Variants in CASZ1 observed in about 807,000 individuals in gnomAD.
The protein encoded by CASZ1 is castor zinc finger 1.
Under a neutral mutation model 135.2 loss-of-function variants are expected in CASZ1, and 28 were observed. That is an observed-to-expected ratio of 0.21 (90% CI 0.15 to 0.28). The LOEUF (loss-of-function observed/expected upper bound fraction) is 0.28. Ranked by LOEUF, CASZ1 falls within the 10% of genes least tolerant of loss-of-function variation. The pLI is 1.00. For synonymous variants in CASZ1, 1,068 were observed against 1,073.4 expected, an observed-to-expected ratio of 0.99 and a Z score of 0.10; for missense variants, 2,161 against 2,453.3, an observed-to-expected ratio of 0.88 and a Z score of 2.52.
chr1:10,686,090 C>T (rs1441470553), intron 4 of CASZ1, among the ~76,000 whole-genome samples: 7 of 152,148 alleles, frequency 4.6e-5, no homozygotes, highest in African/African-American at 1.7e-4. Flanking sequence ...GTGGCCCCCA[C>T]CTGACCCCTT....
intron 11 of CASZ1, 69 bp downstream of exon 11, chr1:10,653,308 A>C (rs769181219): frequency 6.7e-7 from 1 of 1,501,578 alleles, no homozygotes; most frequent in East Asian, 2.3e-5. Context: ...TCTGCTCTGC[A>C]GCCTGAGGCC....
At chr1:10,765,038 G>A (rs1640448083) in intron 1 of CASZ1, among the ~76,000 whole-genome samples, 3 of 152,270 alleles carry the variant, frequency 2.0e-5, no homozygotes, top group South Asian at 4.1e-4. Context: ...AAAGCAAAAG[G>A]GCTTTATCTT....
chr1:10,689,811 A>G (rs1281669545), intron 4 of CASZ1, among the ~76,000 whole-genome samples: 1 of 152,190 alleles, frequency 6.6e-6, no homozygotes, highest in Non-Finnish European at 1.5e-5. Context: ...AACAAAATCA[A>G]GTTGGGAGTC....
rs1400369009 is a variant in CASZ1, at chr1:10,699,243, G to T, written c.-23-5331C>A. 1.3e-5 allele frequency among the ~76,000 whole-genome samples: 2 copies of T among 152,204 alleles called. No individual in the cohort carries two copies. The highest frequency in any genetic ancestry group is 2.9e-5 in the Non-Finnish European group (2 of 68,034). ...CGTTCTCCTTCCCCTCTCCTGGGAA[G>T]TCAACGGCCCTGAACTGGCCAGGAG... is the stretch of plus-strand genomic sequence containing the variant. On this transcript the variant is annotated intron_variant, in intron 3 of 20. Coordinates refer to ENST00000377022, the MANE Select transcript of CASZ1 (RefSeq NM_001079843.3). The surrounding 1 kb of genome is among the most constrained non-coding windows in gnomAD (Gnocchi z 4.6).
At chr1:10,667,673 C>T (rs1241731196) in intron 4 of CASZ1, among the ~76,000 whole-genome samples, 7 of 152,158 alleles carry the variant, frequency 4.6e-5, no homozygotes, top group African/African-American at 1.7e-4. Context: ...GGAGCCTGCA[C>T]TATTTTTACC....
At chr1:10,702,068 G>A (rs1237797773) in intron 3 of CASZ1, among the ~76,000 whole-genome samples, 1 of 152,194 alleles carries the variant, frequency 6.6e-6, no homozygotes, top group Non-Finnish European at 1.5e-5. Context: ...TAGAGACTCC[G>A]AGACGTCCCC....
intron 1 of CASZ1, among the ~76,000 whole-genome samples, chr1:10,786,620 C>T (rs756310049): frequency 2.0e-5 from 3 of 152,190 alleles, no homozygotes; most frequent in Non-Finnish European, 2.9e-5. Flanking sequence ...ATCAGCCCCA[C>T]GAGGTAGGTA....
At position 10,656,193 on chromosome 1, in the gene CASZ1, G is replaced by A. The variant is rs78844156; in HGVS notation, c.1501-380C>T. Among the ~76,000 whole-genome samples the A allele has an allele frequency of 5.0e-3, 759 of 152,288 alleles. 8 individuals are homozygous for A. Among genetic ancestry groups the A allele is most frequent in the African/African-American group, 0.017 (702 of 41,586 alleles). Reference sequence around the variant, plus strand: ...GGCAAGCCAGAGGGAGCCACCCCACGCAGGCTGCCCTGACTCTCCCCCCAC... The same window carrying A: ...GGCAAGCCAGAGGGAGCCACCCCACACAGGCTGCCCTGACTCTCCCCCCAC... On this transcript the variant is annotated intron_variant, in intron 8 of 20. Coordinates refer to ENST00000377022, the MANE Select transcript of CASZ1 (RefSeq NM_001079843.3).
At position 10,679,743 on chromosome 1, in the gene CASZ1, A is replaced by T. The variant is rs1240047757; in HGVS notation, c.16+14131T>A. Among the ~76,000 whole-genome samples the T allele has an allele frequency of 6.6e-6, 1 of 152,180 alleles. No homozygotes were observed. The highest frequency in any genetic ancestry group is 1.5e-5 in the Non-Finnish European group (1 of 68,022). On this transcript the variant is annotated intron_variant, in intron 4 of 20. Transcript: ENST00000377022. This position sits in a 1 kb window ranked among gnomAD's most constrained non-coding sequence, Gnocchi z 4.7. ...CTGGAAGCTCCACTTCAGGTTTTCC[A>T]TACTACAACCCCGAGTGTCACCACA...
At position 10,700,699 on chromosome 1, in the gene CASZ1, T is replaced by C. The variant is rs1639043677; in HGVS notation, c.-24+4793A>G. 6.6e-6 allele frequency among the ~76,000 whole-genome samples: 1 copy of C among 152,064 alleles called. No individual in the cohort carries two copies. The highest frequency in any genetic ancestry group is 2.1e-4 in the South Asian group (1 of 4,834). On this transcript the variant is annotated intron_variant, in intron 3 of 20. Transcript: ENST00000377022. This position sits in a 1 kb window ranked among gnomAD's most constrained non-coding sequence, Gnocchi z 4.2. ...GAACCCAGGCACTGACCCTCTACCT[T>C]CCCAGCATCTTCAGGAAATCATCGT...
intron 4 of CASZ1, among the ~76,000 whole-genome samples, chr1:10,678,549 G>C (rs1391438456): frequency 6.6e-6 from 1 of 152,150 alleles, no homozygotes; most frequent in African/African-American, 2.4e-5. Context: ...AGCCCACCCA[G>C]CTCCCCCACC....
Position 10,639,406 on chromosome 1 carries a change from C to T in CASZ1, c.4816G>A (p.Glu1606Lys). The T allele has an allele frequency of 6.4e-7, 1 of 1,550,504 alleles. No individual in the cohort carries two copies. Among genetic ancestry groups the T allele is most frequent in the East Asian group, 2.4e-5 (1 of 41,092 alleles). ...ATGGGAGGCCCGGGCGCGGGGCCCTCTGCCGCGGGCTCGCCGCGCTCCTGC... is the reference window on the plus strand; with the variant it reads ...ATGGGAGGCCCGGGCGCGGGGCCCTTTGCCGCGGGCTCGCCGCGCTCCTGC... ...EKQERGEPAA[E>K]GPAPGPPISL... is the part of the protein sequence containing the mutation. The change falls in exon 21 of 21, where the codon GAG becomes AAG. Residue 1606 changes from glutamate (E) to lysine (K), a missense_variant. Around this residue, in one of 7 missense-constraint regions of CASZ1, gnomAD observed 240 missense variants for 321.4 expected, o/e 0.75. Transcript: ENST00000377022. This position sits in a 1 kb window ranked among gnomAD's most constrained non-coding sequence, Gnocchi z 4.0.
rs11586851 is a variant in CASZ1 at position 10,721,771 on chromosome 1, G to A, written c.-76-16227C>T. On this transcript the variant is annotated intron_variant, in intron 2 of 20. Coordinates refer to ENST00000377022, the MANE Select transcript of CASZ1 (RefSeq NM_001079843.3). This position sits in a 1 kb window ranked among gnomAD's most constrained non-coding sequence, Gnocchi z 5.4. ...ATCTGGCAGGCCTGGGGAGGCCTCAGGCAGCTTCAGCCCAGCAAGTCTCTG... is the reference window on the plus strand; with the variant it reads ...ATCTGGCAGGCCTGGGGAGGCCTCAAGCAGCTTCAGCCCAGCAAGTCTCTG... Among the ~76,000 whole-genome samples, 1 of 152,222 alleles carries A rather than the reference G, an allele frequency of 6.6e-6. No individual in the cohort carries two copies. Among genetic ancestry groups the A allele is most frequent in the Non-Finnish European group, 1.5e-5 (1 of 68,030 alleles).
rs116375923 is a variant in CASZ1, at chr1:10,659,464, A to G, written c.1340+238T>C. On this transcript the variant is annotated intron_variant, in intron 6 of 20. Coordinates refer to ENST00000377022, the MANE Select transcript of CASZ1 (RefSeq NM_001079843.3). ...AGGTCCAGGAGCGGGGGGGCGCTGCAGGAGGGCTCACGCATGGTTCTGTAG... is the reference window on the plus strand; with the variant it reads ...AGGTCCAGGAGCGGGGGGGCGCTGCGGGAGGGCTCACGCATGGTTCTGTAG... Among the ~76,000 whole-genome samples, 935 of 152,258 alleles carry G rather than the reference A, an allele frequency of 6.1e-3. 13 individuals are homozygous for G. The highest frequency in any genetic ancestry group is 0.021 in the African/African-American group (893 of 41,550).
intron 2 of CASZ1, among the ~76,000 whole-genome samples, chr1:10,751,127 C>A (rs983545927): frequency 6.6e-6 from 1 of 151,778 alleles, no homozygotes; most frequent in African/African-American, 2.4e-5. Context: ...AGTCTGTAAA[C>A]CTTGTTTCAG....
At chr1:10,765,177 A>T (rs1238276397) in intron 1 of CASZ1, among the ~76,000 whole-genome samples, 1 of 152,038 alleles carries the variant, frequency 6.6e-6, no homozygotes, top group East Asian at 1.9e-4. Flanking sequence ...ACCTGGGGGA[A>T]TGTGGGTACG....
rs776790574 is a variant in CASZ1 at position 10,639,092 on chromosome 1, G to C, written c.5130C>G (p.Asp1710Glu). ...DDDDEDDDED[D>E]DDEDLRTDSE... is the part of the protein sequence containing the mutation. ...AGTCGGTGCGCAGGTCCTCGTCGTC[G>C]TCGTCCTCGTCGTCGTCCTCGTCGT... The change falls in exon 21 of 21, where the codon GAC (aspartate) becomes GAG (glutamate). Residue 1710 changes from aspartate to glutamate, a missense_variant. Asp to Glu is a conservative substitution (Grantham distance 45). This residue lies in a region of CASZ1 where 185 missense variants were observed against 134.7 expected (regional missense o/e 1.37). Transcript: ENST00000377022. The surrounding 1 kb of genome is among the most constrained non-coding windows in gnomAD (Gnocchi z 4.0). 22 of 1,076,500 alleles carry C rather than the reference G, an allele frequency of 2.0e-5. No homozygotes were observed. The highest frequency in any genetic ancestry group is 9.2e-5 in the South Asian group (4 of 43,248). The allele number at this position is 1,076,500 out of a possible 1,614,324, so 66.7% of individuals were successfully genotyped here.
rs376768786 is a variant in CASZ1, at chr1:10,653,605, G to A, written c.2452C>T (p.Pro818Ser). 8.0e-5 allele frequency: 125 copies of A among 1,554,984 alleles called. No individual in the cohort carries two copies. Among genetic ancestry groups the A allele is most frequent in the Non-Finnish European group, 1.1e-4 (123 of 1,149,240 alleles). ...RGSTSLPVGT[P>S]SLLGAVSSGS... ...GACGACACGGCACCCAGGAGGCTGGGGGTGCCCACAGGCAGGGAGGTGCTC... is the reference window on the plus strand; with the variant it reads ...GACGACACGGCACCCAGGAGGCTGGAGGTGCCCACAGGCAGGGAGGTGCTC... The change falls in exon 11 of 21, where the codon CCC becomes TCC. Residue 818 changes from proline to serine, a missense_variant. Pro to Ser is a moderately conservative substitution (Grantham distance 74). Around this residue, in one of 7 missense-constraint regions of CASZ1, gnomAD observed 406 missense variants for 387.6 expected, o/e 1.05. Coordinates refer to ENST00000377022, the MANE Select transcript of CASZ1 (RefSeq NM_001079843.3).
intron 1 of CASZ1, among the ~76,000 whole-genome samples, chr1:10,789,744 T>G (rs1359996523): frequency 6.6e-6 from 1 of 151,572 alleles, no homozygotes; most frequent in Non-Finnish European, 1.5e-5. Context: ...TCCTCAATTA[T>G]TCCAAGTAAG....
Sources: allele counts gnomAD v4.1 joint callset (sites outside exome capture counted in the v4.1 genomes callset), GRCh38; gene constraint gnomAD v4.1.1; regional missense constraint gnomAD v4.1.1; non-coding constraint Gnocchi (gnomAD v3.1); transcripts MANE v1.5; gene names NCBI Gene and HGNC (gene_info 2026-07-23, HGNC 2026-07-21).